Variants in CSMD3 observed in about 807,000 individuals in gnomAD.
CSMD3 encodes CUB and sushi domain-containing protein 3.
Under a neutral mutation model 435.2 loss-of-function variants are expected in CSMD3, and 177 were observed. The ratio of observed to expected loss-of-function variants is 0.41; its 90% CI spans 0.36 to 0.46. The LOEUF is 0.46. CSMD3 is among the 20% of genes least tolerant of loss of function. CSMD3 has a pLI of 0.34. For synonymous variants in CSMD3, 1,656 were observed against 1,520.5 expected, an observed-to-expected ratio of 1.09 and a Z score of -2.07; for missense variants, 4,265 against 4,504.6, an observed-to-expected ratio of 0.95 and a Z score of 1.52.
chr8:112,573,785 A>T, intron 23 of CSMD3, 128 bp from the exon 24 acceptor site: 1 of 700,970 alleles, frequency 1.4e-6, no homozygotes, highest in South Asian at 1.8e-5. Context: ...TCCAAAGGGC[A>T]ACTAAATATA....
intron 13 of CSMD3, among the ~76,000 whole-genome samples, chr8:112,761,595 T>C (rs1324324739): frequency 1.3e-5 from 2 of 152,114 alleles, no homozygotes; most frequent in Non-Finnish European, 2.9e-5. Flanking sequence ...ATGAAAGCAG[T>C]TTAAAAAGTT....
At chr8:113,273,331 G>A (rs1484533449) in intron 3 of CSMD3, among the ~76,000 whole-genome samples, 8 of 151,726 alleles carry the variant, frequency 5.3e-5, no homozygotes, top group African/African-American at 1.2e-4. Context: ...GCAGGATTAT[G>A]TACTATAGGG....
intron 4 of CSMD3, among the ~76,000 whole-genome samples, chr8:113,172,958 T>C (rs2092291925): frequency 6.6e-6 from 1 of 152,210 alleles, no homozygotes; most frequent in Admixed American, 6.5e-5. Context: ...TCCACATTAT[T>C]ATATTATTGT....
At chr8:113,239,756 C>T (rs1220621757) in intron 3 of CSMD3, among the ~76,000 whole-genome samples, 1 of 152,004 alleles carries the variant, frequency 6.6e-6, no homozygotes, top group African/African-American at 2.4e-5. Context: ...AGAGATGATT[C>T]TCATGAGGTC....
At chr8:113,170,828 T>A (rs2092255022) in intron 4 of CSMD3, among the ~76,000 whole-genome samples, 1 of 152,068 alleles carries the variant, frequency 6.6e-6, no homozygotes, top group East Asian at 1.9e-4. Flanking sequence ...AAAAGTGACC[T>A]GGGTAGACTA....
At chr8:112,468,204 A>C (rs1054843745) in intron 32 of CSMD3, among the ~76,000 whole-genome samples, 2 of 149,352 alleles carry the variant, frequency 1.3e-5, no homozygotes, top group African/African-American at 4.9e-5. Flanking sequence ...CTCTGTTTTT[A>C]AAATTTCATC....
intron 22 of CSMD3, among the ~76,000 whole-genome samples, chr8:112,590,595 T>C (rs1380772086): frequency 6.6e-6 from 1 of 152,118 alleles, no homozygotes; most frequent in Non-Finnish European, 1.5e-5. Flanking sequence ...CTTAGGTGTG[T>C]ATGAATGGAG....
At chr8:112,401,543 T>C (rs561070306) in intron 35 of CSMD3, among the ~76,000 whole-genome samples, 486 of 152,236 alleles carry the variant, frequency 3.2e-3, no homozygotes, top group African/African-American at 0.011. Flanking sequence ...CTATTAAAAT[T>C]GTAGTAATAA....
chr8:112,626,875 C>CA (rs1003241281), intron 22 of CSMD3, among the ~76,000 whole-genome samples: 1 of 152,164 alleles, frequency 6.6e-6, no homozygotes, highest in African/African-American at 2.4e-5. Context: ...CGACTTATAG[C>CA]AAAAAATTGC....
intron 13 of CSMD3, among the ~76,000 whole-genome samples, chr8:112,763,256 G>A (rs1053048303): frequency 1.3e-5 from 2 of 151,480 alleles, no homozygotes; most frequent in Non-Finnish European, 3.0e-5. Context: ...TGTTGTGCAT[G>A]TAACAAATTT....
intron 1 of CSMD3, among the ~76,000 whole-genome samples, chr8:113,399,063 C>A (rs1370145316): frequency 7.9e-6 from 1 of 127,270 alleles, no homozygotes; most frequent in African/African-American, 3.1e-5. Flanking sequence ...CAAAACCATA[C>A]CCACAAGGAT....
At chr8:112,481,507 A>C (rs1257199396) in intron 31 of CSMD3, among the ~76,000 whole-genome samples, 2 of 152,200 alleles carry the variant, frequency 1.3e-5, no homozygotes, top group Non-Finnish European at 2.9e-5. Context: ...CTTGCAGGTC[A>C]CAAAAGAGCA....
At chr8:112,448,755 T>TAAAAAAAAAAA (rs199998820) in intron 32 of CSMD3, among the ~76,000 whole-genome samples, 2 of 127,204 alleles carry the variant, frequency 1.6e-5, no homozygotes, top group African/African-American at 6.4e-5. Flanking sequence ...TACAATCTAT[T>TAAAAAAAAAAA]AAAAAAAAAA....
At chr8:112,833,145 T>G (rs562625892) in intron 11 of CSMD3, among the ~76,000 whole-genome samples, 2 of 152,200 alleles carry the variant, frequency 1.3e-5, no homozygotes, top group South Asian at 4.1e-4. Context: ...TTGACTACTC[T>G]TGGACCATTT....
chr8:112,501,624 G>C (rs971995786), intron 30 of CSMD3, among the ~76,000 whole-genome samples: 1 of 151,962 alleles, frequency 6.6e-6, no homozygotes, highest in Non-Finnish European at 1.5e-5. Context: ...AGAATAATTC[G>C]GCAATACAGA....
chr8:112,855,120 A>C (rs1289125026), intron 11 of CSMD3, among the ~76,000 whole-genome samples: 1 of 152,230 alleles, frequency 6.6e-6, no homozygotes, highest in Admixed American at 6.5e-5. Context: ...GGTTAAATAA[A>C]ATATAAAATT....
Position 112,409,365 on chromosome 8 carries a change from G to T in CSMD3, c.5396-333C>A, listed in dbSNP as rs533017375. Among the ~76,000 whole-genome samples the T allele has an allele frequency of 1.3e-3, 192 of 151,870 alleles. 1 individual carries two copies. Among genetic ancestry groups the T allele is most frequent in the African/African-American group, 4.6e-3 (189 of 41,494 alleles). On this transcript the variant is annotated intron_variant, in intron 32 of 70. Coordinates refer to ENST00000297405, the MANE Select transcript of CSMD3 (RefSeq NM_198123.2). ...TAACTACTTTTGGCTTTTCTCAATG[G>T]TGGTTTGATTCTTTTCACTTTGTGA...
At chr8:113,169,964 GCCTGTGAACAAACACAAAA>G (rs2092236941) in intron 4 of CSMD3, among the ~76,000 whole-genome samples, 1 of 152,120 alleles carries the variant, frequency 6.6e-6, no homozygotes, top group Non-Finnish European at 1.5e-5. Flanking sequence ...AATTCATCCT[GCCTGTGAACAAACACAAAA>G]CCTTTACACC....
rs924852025 is a variant in CSMD3 at position 113,070,447 on chromosome 8, G to A, written c.917+28309C>T. ...CACATAGTCACTGCTTTTGTGTGGG[G>A]GGAGGGGGTGAAAATACTTAAGATC... On this transcript the variant is annotated intron_variant, in intron 5 of 70. Transcript: ENST00000297405. Among the ~76,000 whole-genome samples, 5 of 151,956 alleles carry A rather than the reference G, an allele frequency of 3.3e-5. No homozygotes were observed. In the South Asian group the frequency reaches 8.3e-4, roughly 25 times the overall value.
Sources: allele counts gnomAD v4.1 joint callset (sites outside exome capture counted in the v4.1 genomes callset), GRCh38; gene constraint gnomAD v4.1.1; transcripts MANE v1.5; gene names NCBI Gene and HGNC (gene_info 2026-07-23, HGNC 2026-07-21).